CCDC60: variants seen among roughly 807,000 people sequenced by gnomAD.
CCDC60 encodes the protein coiled-coil domain containing 60, also known as coiled-coil domain-containing protein 60.
A neutral mutation model predicts 63.5 loss-of-function variants in CCDC60; 54 were observed. The observed-to-expected ratio is 0.85, with a 90% CI of 0.68 to 1.07. The LOEUF (loss-of-function observed/expected upper bound fraction) is 1.07. CCDC60 is among the 50% of genes least tolerant of loss of function. The probability of loss-of-function intolerance (pLI) is 0.00; values close to 1 mark genes in which losing one functional copy is unlikely to be tolerated. For synonymous variants in CCDC60, 206 were observed against 238.8 expected, an observed-to-expected ratio of 0.86 and a Z score of 1.27; for missense variants, 651 against 684.3, an observed-to-expected ratio of 0.95 and a Z score of 0.54.
chr12:119,444,064 T>C (rs1457356257), intron 2 of CCDC60, among the ~76,000 whole-genome samples: 1 of 152,230 alleles, frequency 6.6e-6, no homozygotes, highest in African/African-American at 2.4e-5. Flanking sequence ...GATTTTCTTA[T>C]TATCTGTGCA....
chr12:119,340,582 A>C (rs940465454), intron 1 of CCDC60, among the ~76,000 whole-genome samples: 2 of 151,670 alleles, frequency 1.3e-5, no homozygotes, highest in African/African-American at 4.8e-5. Flanking sequence ...AGACAGCCTT[A>C]GAAGCCCAAT....
intron 3 of CCDC60, among the ~76,000 whole-genome samples, chr12:119,473,727 T>A (rs1366898083): frequency 6.6e-6 from 1 of 152,210 alleles, no homozygotes; most frequent in Non-Finnish European, 1.5e-5. Context: ...ATTCCTGAGT[T>A]ACTTTACTTA....
chr12:119,522,814 G>T, intron 9 of CCDC60, 125 bp from the exon 10 acceptor site: 2 of 822,352 alleles, frequency 2.4e-6, no homozygotes, highest in Middle Eastern at 2.3e-4. Flanking sequence ...TGTGACTGGT[G>T]CCTTGATTAG....
At chr12:119,344,339 A>T (rs926564340) in intron 1 of CCDC60, among the ~76,000 whole-genome samples, 6 of 152,178 alleles carry the variant, frequency 3.9e-5, no homozygotes, top group African/African-American at 1.4e-4. Context: ...TGCCTATCTG[A>T]TGGTAAAACC....
intron 2 of CCDC60, among the ~76,000 whole-genome samples, chr12:119,452,531 A>C (rs1185109110): frequency 6.6e-6 from 1 of 152,160 alleles, no homozygotes; most frequent in African/African-American, 2.4e-5. Flanking sequence ...CAGTTTCCAC[A>C]CAATGAAATG....
chr12:119,406,202 TATAG>T (rs1205124383), intron 1 of CCDC60, among the ~76,000 whole-genome samples: 11 of 139,340 alleles, frequency 7.9e-5, no homozygotes, highest in African/African-American at 2.6e-4. Context: ...GATATATATA[TATAG>T]AGAGAGAGAG....
intron 1 of CCDC60, among the ~76,000 whole-genome samples, chr12:119,366,835 G>A (rs1206844602): frequency 1.3e-5 from 2 of 152,062 alleles, no homozygotes; most frequent in Non-Finnish European, 2.9e-5. Flanking sequence ...AACCCTTAGG[G>A]TTTGTTGTTG....
At chr12:119,532,308 C>G (rs1328583479) in intron 13 of CCDC60, among the ~76,000 whole-genome samples, 1 of 152,010 alleles carries the variant, frequency 6.6e-6, no homozygotes, top group Non-Finnish European at 1.5e-5. Flanking sequence ...AGAGGGAGTA[C>G]TAGGGGCTCC....
At chr12:119,338,704 A>T (rs1303844979) in intron 1 of CCDC60, among the ~76,000 whole-genome samples, 1 of 152,210 alleles carries the variant, frequency 6.6e-6, no homozygotes, top group Non-Finnish European at 1.5e-5. Flanking sequence ...TGTTTGGAGG[A>T]GGAAAGGGAA....
intron 2 of CCDC60, among the ~76,000 whole-genome samples, chr12:119,467,106 T>G (rs542557583): frequency 6.6e-6 from 1 of 152,372 alleles, no homozygotes; most frequent in Admixed American, 6.5e-5. Context: ...TGCCCTGAGC[T>G]GCTGCTCTCA....
At chr12:119,402,234 CTT>C (rs1956405230) in intron 1 of CCDC60, 1 of 152,200 alleles carries the variant, frequency 6.6e-6, no homozygotes, top group Non-Finnish European at 1.5e-5. Flanking sequence ...AAAGAGTAAT[CTT>C]ATCTGCCAAA....
intron 11 of CCDC60, among the ~76,000 whole-genome samples, chr12:119,528,346 A>G (rs1383836701): frequency 6.6e-6 from 1 of 152,066 alleles, no homozygotes; most frequent in Non-Finnish European, 1.5e-5. Flanking sequence ...GAGACTGAAA[A>G]GCTATGTAAA....
In CCDC60 at chr12:119,500,154, A is replaced by T; in HGVS notation, c.634A>T (p.Ile212Phe). 1 of 1,609,856 alleles carries T rather than the reference A, an allele frequency of 6.2e-7. No homozygotes were observed. Among genetic ancestry groups the T allele is most frequent in the Non-Finnish European group, 8.5e-7 (1 of 1,177,696 alleles). The part of the protein sequence containing the change: ...KSMGQKWEHF[I>F]TAPKTKKFKI... ...CATGGGACAGAAATGGGAGCATTTCATCACAGCGCCAAAGGTAACCAACAA... is the reference window on the plus strand; with the variant it reads ...CATGGGACAGAAATGGGAGCATTTCTTCACAGCGCCAAAGGTAACCAACAA... The change falls in exon 6 of 14, where the codon ATC becomes TTC. Residue 212 changes from isoleucine (I) to phenylalanine (F), a missense_variant. Physicochemically the swap from Ile to Phe is conservative, Grantham distance 21. Transcript: ENST00000327554.
chr12:119,494,996 C>T (rs1951688910), intron 5 of CCDC60, among the ~76,000 whole-genome samples: 1 of 152,158 alleles, frequency 6.6e-6, no homozygotes, highest in Non-Finnish European at 1.5e-5. Flanking sequence ...ATGACACAAA[C>T]ATCAAAATCC....
At position 119,523,831 on chromosome 12, in the gene CCDC60, A is replaced by G. The variant is rs1209544206; in HGVS notation, c.1229+13A>G. The stretch of plus-strand genomic sequence containing the variant: ...AAATCCTCATGAAGTAAGCGCACAT[A>G]TATATCCATTCATTCAAACAGCATT... On this transcript the variant is annotated intron_variant, in intron 11 of 13. Transcript: ENST00000327554. The G allele has an allele frequency of 2.5e-6, 4 of 1,613,586 alleles. No homozygotes were observed. In the South Asian group the frequency reaches 3.3e-5, roughly 13 times the overall value.
intron 4 of CCDC60, among the ~76,000 whole-genome samples, chr12:119,488,158 T>G (rs1241642737): frequency 6.6e-6 from 1 of 152,232 alleles, no homozygotes; most frequent in East Asian, 1.9e-4. Flanking sequence ...TATTTTCAAG[T>G]AATATGCTCT....
intron 1 of CCDC60, among the ~76,000 whole-genome samples, chr12:119,364,717 A>G (rs1955823344): frequency 6.6e-6 from 1 of 152,210 alleles, no homozygotes; most frequent in Admixed American, 6.5e-5. Context: ...GTAACAGAGC[A>G]CAGACTCCGC....
chr12:119,362,548 C>T (rs904505233), intron 1 of CCDC60, among the ~76,000 whole-genome samples: 3 of 152,172 alleles, frequency 2.0e-5, no homozygotes, highest in African/African-American at 7.2e-5. Context: ...GCTTCTTTTG[C>T]TCACCATTAT....
chr12:119,367,377 T>G (rs2136171920), intron 1 of CCDC60, among the ~76,000 whole-genome samples: 1 of 152,316 alleles, frequency 6.6e-6, no homozygotes. Flanking sequence ...TTCTTGTTCC[T>G]TCAAAGTCAC....
Sources: allele counts gnomAD v4.1 joint callset (sites outside exome capture counted in the v4.1 genomes callset), GRCh38; gene constraint gnomAD v4.1.1; transcripts MANE v1.5; gene names NCBI Gene and HGNC (gene_info 2026-07-23, HGNC 2026-07-21).